Variants in CCNY observed in about 807,000 individuals in gnomAD.
CCNY encodes cyclin-Y.
CCNY carries 19 observed loss-of-function variants against 42.8 expected under a neutral mutation model. That is an observed-to-expected ratio of 0.44 (90% CI 0.31 to 0.65). The LOEUF (loss-of-function observed/expected upper bound fraction) is 0.65, where lower values mean the gene tolerates loss of function less well. Ranked by LOEUF, CCNY falls within the 30% of genes least tolerant of loss-of-function variation. The probability of loss-of-function intolerance (pLI) is 0.07; values close to 1 mark genes in which losing one functional copy is unlikely to be tolerated. For synonymous variants in CCNY, 165 were observed against 162.7 expected (o/e 1.01, Z -0.11); for missense variants, 370 against 437.3 (o/e 0.85, Z 1.37).
intron 2 of CCNY, among the ~76,000 whole-genome samples, chr10:35,492,961 C>T (rs1839929990): frequency 1.3e-5 from 2 of 152,110 alleles, no homozygotes; most frequent in Non-Finnish European, 2.9e-5. Flanking sequence ...CAGCTCTCCC[C>T]TCTCCCCTCT....
At chr10:35,398,545 G>A (rs1452188609) in intron 1 of CCNY, among the ~76,000 whole-genome samples, 2 of 152,090 alleles carry the variant, frequency 1.3e-5, no homozygotes, top group Non-Finnish European at 2.9e-5. Context: ...ACAGCTGTGT[G>A]TGATTAGGGC....
At chr10:35,363,236 G>A (rs557171219) in intron 1 of CCNY, among the ~76,000 whole-genome samples, 1 of 146,278 alleles carries the variant, frequency 6.8e-6, no homozygotes, top group South Asian at 2.2e-4. Context: ...TGGAGTGGCC[G>A]GCAGAGGCGC....
chr10:35,261,324 G>A (rs987442413), intron 3 of CCNY, among the ~76,000 whole-genome samples: 10 of 148,584 alleles, frequency 6.7e-5, no homozygotes, highest in African/African-American at 2.2e-4. Context: ...AGCAACCTCC[G>A]CCTTCTGGGT....
At chr10:35,554,874 A>G (rs1841331399) in intron 8 of CCNY, among the ~76,000 whole-genome samples, 1 of 152,248 alleles carries the variant, frequency 6.6e-6, no homozygotes. Context: ...GAACAGAGAA[A>G]AATGACCAGT....
chr10:35,451,513 A>G (rs539030291), intron 1 of CCNY, among the ~76,000 whole-genome samples: 1 of 152,316 alleles, frequency 6.6e-6, no homozygotes, highest in African/African-American at 2.4e-5. Context: ...GGCTATGCTG[A>G]GTGAGTGAAA....
chr10:35,292,689 G>A (rs191041308), intron 3 of CCNY, among the ~76,000 whole-genome samples: 2 of 149,316 alleles, frequency 1.3e-5, no homozygotes, highest in African/African-American at 2.5e-5. Flanking sequence ...ATGGCGTCCA[G>A]TTTATCTTTT....
chr10:35,404,533 G>A (rs987436646), intron 1 of CCNY, among the ~76,000 whole-genome samples: 1 of 152,132 alleles, frequency 6.6e-6, no homozygotes, highest in Non-Finnish European at 1.5e-5. Context: ...TGGAGGCAAG[G>A]GAAACAGGCC....
At chr10:35,316,675 T>G (rs972406810) in intron 3 of CCNY, among the ~76,000 whole-genome samples, 1 of 152,238 alleles carries the variant, frequency 6.6e-6, no homozygotes, top group Non-Finnish European at 1.5e-5. Flanking sequence ...TCCAAGCCTC[T>G]TTTGGATGGT....
chr10:35,498,572 G>A (rs1273246347), intron 2 of CCNY, among the ~76,000 whole-genome samples: 1 of 152,192 alleles, frequency 6.6e-6, no homozygotes, highest in Non-Finnish European at 1.5e-5. Flanking sequence ...AGGAGAAGGA[G>A]TTAGCCCAGA....
intron 1 of CCNY, among the ~76,000 whole-genome samples, chr10:35,247,723 A>C (rs2095709075): frequency 6.6e-6 from 1 of 151,736 alleles, no homozygotes; most frequent in South Asian, 2.1e-4. Context: ...AAAAATACAA[A>C]AAATTAGCTG....
chr10:35,487,978 A>G (rs1305355335), intron 2 of CCNY, among the ~76,000 whole-genome samples: 1 of 152,214 alleles, frequency 6.6e-6, no homozygotes, highest in Non-Finnish European at 1.5e-5. Flanking sequence ...ATTTTCAAAG[A>G]TGTGAGAGCT....
chr10:35,511,155 T>G (rs914102188), intron 3 of CCNY, among the ~76,000 whole-genome samples: 1 of 152,194 alleles, frequency 6.6e-6, no homozygotes, highest in Admixed American at 6.5e-5. Context: ...GTGGTCTCCC[T>G]CACAGAGGAT....
At chr10:35,496,177 CCTT>C (rs761754404) in intron 2 of CCNY, among the ~76,000 whole-genome samples, 164 of 152,324 alleles carry the variant, frequency 1.1e-3, no homozygotes, top group Middle Eastern at 3.4e-3. Flanking sequence ...GCCTGCCAGT[CCTT>C]CACATCCAGA....
chr10:35,318,310 C>T (rs761683665), intron 3 of CCNY, among the ~76,000 whole-genome samples: 5 of 152,110 alleles, frequency 3.3e-5, no homozygotes, highest in Non-Finnish European at 5.9e-5. Context: ...GTTGTGACCA[C>T]CAACTCTGTG....
chr10:35,516,661 C>CTTTTTTTTTTTTTT (rs35268084), intron 4 of CCNY, 38 bp downstream of exon 4: 11 of 327,618 alleles, frequency 3.4e-5, no homozygotes, highest in African/African-American at 3.0e-4. Context: ...TCCTTCCTTC[C>CTTTTTTTTTTTTTT]TTTTTTTTTT....
intron 3 of CCNY, among the ~76,000 whole-genome samples, chr10:35,270,717 C>CT (rs1264995511): frequency 2.1e-4 from 27 of 131,628 alleles, no homozygotes; most frequent in Admixed American, 4.0e-4. Flanking sequence ...ATGGTCAGTT[C>CT]TTTTTTTTTT....
At chr10:35,343,020 T>TA (rs1160168230) in intron 1 of CCNY, among the ~76,000 whole-genome samples, 2 of 150,464 alleles carry the variant, frequency 1.3e-5, no homozygotes, top group Non-Finnish European at 3.0e-5. Flanking sequence ...TTTTTTTTTT[T>TA]AAGACAGGGT....
At chr10:35,561,184 G>C (rs1424544702) in intron 8 of CCNY, among the ~76,000 whole-genome samples, 1 of 152,164 alleles carries the variant, frequency 6.6e-6, no homozygotes, top group African/African-American at 2.4e-5. Context: ...GCACGCTGTG[G>C]AAGTCCCCAA....
intron 2 of CCNY, among the ~76,000 whole-genome samples, chr10:35,494,188 T>C (rs1051185694): frequency 6.7e-6 from 1 of 149,526 alleles, no homozygotes; most frequent in Non-Finnish European, 1.5e-5. Flanking sequence ...GTGGGGAGGA[T>C]TGCTTGAGCC....
Sources: gnomAD v4.1 joint callset for allele counts (sites outside exome capture counted in the v4.1 genomes callset) on GRCh38, gnomAD v4.1.1 for gene constraint, MANE v1.5 for transcripts, NCBI Gene and HGNC (gene_info 2026-07-23, HGNC 2026-07-21) for gene names.